Variants in ROBO1 observed in about 807,000 individuals in gnomAD.
ROBO1 encodes roundabout guidance receptor 1.
In ROBO1, 149 loss-of-function variants were observed where a neutral mutation model predicts 195.9. The ratio of observed to expected loss-of-function variants is 0.76; its 90% CI spans 0.67 to 0.87. The LOEUF (loss-of-function observed/expected upper bound fraction) is 0.87. Among genes scored for constraint, ROBO1 ranks in the 40% least tolerant of loss-of-function variants. The pLI is 0.00. For synonymous variants in ROBO1, 816 were observed against 733.2 expected, an observed-to-expected ratio of 1.11 and a Z score of -1.82; for missense variants, 1,933 against 2,068.3, an observed-to-expected ratio of 0.93 and a Z score of 1.27.
At chr3:79,473,252 G>T (rs973106952) in intron 2 of ROBO1, among the ~76,000 whole-genome samples, 1 of 152,064 alleles carries the variant, frequency 6.6e-6, no homozygotes, top group Non-Finnish European at 1.5e-5. Context: ...ACCATGTGAA[G>T]ACTGAGGCAG....
At chr3:79,081,026 T>C (rs954194318) in intron 3 of ROBO1, among the ~76,000 whole-genome samples, 5 of 152,024 alleles carry the variant, frequency 3.3e-5, no homozygotes, top group African/African-American at 1.2e-4. Context: ...TACATGAAAA[T>C]GCTGAAACCA....
At chr3:79,227,560 G>A (rs867276846) in intron 2 of ROBO1, among the ~76,000 whole-genome samples, 1 of 152,206 alleles carries the variant, frequency 6.6e-6, no homozygotes, top group South Asian at 2.1e-4. Flanking sequence ...TGTCGTCATT[G>A]AGTCACATGT....
chr3:79,064,034 A>G (rs1194860034), intron 3 of ROBO1, among the ~76,000 whole-genome samples: 1 of 151,892 alleles, frequency 6.6e-6, no homozygotes, highest in African/African-American at 2.4e-5. Flanking sequence ...TACACAGTAG[A>G]GCAACCGTAG....
chr3:78,611,536 G>A (rs564000099), intron 28 of ROBO1, among the ~76,000 whole-genome samples: 10 of 152,286 alleles, frequency 6.6e-5, no homozygotes, highest in Admixed American at 1.3e-4. Context: ...GCCTGTCAGT[G>A]TGACTGTAGC....
intron 1 of ROBO1, among the ~76,000 whole-genome samples, chr3:79,763,217 T>TA (rs1231910691): frequency 1.3e-5 from 2 of 151,888 alleles, no homozygotes; most frequent in African/African-American, 4.8e-5. Flanking sequence ...TCCGGAAATG[T>TA]ATCACAACAT....
At chr3:78,898,304 T>A (rs2107443899) in intron 4 of ROBO1, among the ~76,000 whole-genome samples, 1 of 148,218 alleles carries the variant, frequency 6.7e-6, no homozygotes, top group East Asian at 2.0e-4. Flanking sequence ...AAAAGTGCAA[T>A]ACACAAGTCC....
At chr3:79,144,364 T>C (rs1228232332) in intron 2 of ROBO1, among the ~76,000 whole-genome samples, 2 of 152,060 alleles carry the variant, frequency 1.3e-5, no homozygotes, top group Non-Finnish European at 2.9e-5. Context: ...AGGTTAAAGT[T>C]AAACCTCTGA....
intron 3 of ROBO1, among the ~76,000 whole-genome samples, chr3:79,068,262 C>T (rs2079034265): frequency 1.3e-5 from 2 of 151,796 alleles, no homozygotes; most frequent in South Asian, 4.2e-4. Context: ...CTCCCCAAAC[C>T]CTCCATCTAC....
chr3:78,767,562 A>T (rs750097528), intron 4 of ROBO1, among the ~76,000 whole-genome samples: 26 of 152,124 alleles, frequency 1.7e-4, no homozygotes, highest in Non-Finnish European at 3.4e-4. Context: ...CACTGTGCCC[A>T]GCCTGTTGGT....
intron 14 of ROBO1, among the ~76,000 whole-genome samples, chr3:78,662,713 T>C (rs1707499706): frequency 6.6e-6 from 1 of 152,186 alleles, no homozygotes; most frequent in African/African-American, 2.4e-5. Context: ...TAAAGCTGAT[T>C]AGACTCATGA....
chr3:79,635,547 AT>A (rs1353118775), intron 1 of ROBO1, among the ~76,000 whole-genome samples: 2 of 152,144 alleles, frequency 1.3e-5, no homozygotes, highest in Non-Finnish European at 2.9e-5. Flanking sequence ...GCAAATATCT[AT>A]TTTGAAAAGT....
intron 2 of ROBO1, among the ~76,000 whole-genome samples, chr3:79,273,074 C>T (rs915788332): frequency 3.3e-5 from 5 of 152,010 alleles, no homozygotes; most frequent in African/African-American, 4.8e-5. Context: ...TGAGTGATTT[C>T]GTCAACACCA....
intron 26 of ROBO1, among the ~76,000 whole-genome samples, chr3:78,622,257 C>A (rs1364260929): frequency 6.6e-6 from 1 of 152,068 alleles, no homozygotes; most frequent in African/African-American, 2.4e-5. Context: ...TAATGCAGGT[C>A]TTTAATGTTT....
chr3:78,938,953 T>C, intron 3 of ROBO1, 26 bp from the exon 4 acceptor site: 1 of 1,565,038 alleles, frequency 6.4e-7, no homozygotes, highest in Non-Finnish European at 8.7e-7. Context: ...CAAAATATCT[T>C]CGTATATCAC....
chr3:79,104,241 T>C (rs2079733212), intron 3 of ROBO1, among the ~76,000 whole-genome samples: 1 of 151,864 alleles, frequency 6.6e-6, no homozygotes, highest in Non-Finnish European at 1.5e-5. Flanking sequence ...GTCGTGTTAC[T>C]ACACAGATTA....
intron 3 of ROBO1, among the ~76,000 whole-genome samples, chr3:79,066,924 TA>T (rs2079012551): frequency 6.6e-6 from 1 of 151,918 alleles, no homozygotes; most frequent in South Asian, 2.1e-4. Context: ...TCAAGCATGA[TA>T]AAAAACAGTA....
chr3:78,876,514 C>T (rs1489309453), intron 4 of ROBO1, among the ~76,000 whole-genome samples: 1 of 152,116 alleles, frequency 6.6e-6, no homozygotes, highest in Admixed American at 6.6e-5. Context: ...TTGCTACACA[C>T]GTAATGCACT....
At chr3:78,944,813 C>T (rs1052948475) in intron 3 of ROBO1, among the ~76,000 whole-genome samples, 1 of 152,200 alleles carries the variant, frequency 6.6e-6, no homozygotes, top group African/African-American at 2.4e-5. Context: ...CACTCCCACC[C>T]TAATACTGCG....
chr3:79,689,074 G>T (rs12107379), intron 1 of ROBO1, among the ~76,000 whole-genome samples: 4 of 151,366 alleles, frequency 2.6e-5, no homozygotes, highest in African/African-American at 9.7e-5. Context: ...CTGAACACGC[G>T]TTTTTTATAT....
Sources: gnomAD v4.1 joint callset for allele counts (sites outside exome capture counted in the v4.1 genomes callset) on GRCh38, gnomAD v4.1.1 for gene constraint, MANE v1.5 for transcripts, NCBI Gene and HGNC (gene_info 2026-07-23, HGNC 2026-07-21) for gene names.